Variants in NEK1 observed in about 807,000 individuals in gnomAD.
NEK1 encodes NIMA related kinase 1.
Under a neutral mutation model 182.1 loss-of-function variants are expected in NEK1, and 137 were observed. The observed-to-expected ratio is 0.75, with a 90% CI of 0.65 to 0.87. The LOEUF (loss-of-function observed/expected upper bound fraction) is 0.87. Among genes scored for constraint, NEK1 ranks in the 40% least tolerant of loss-of-function variants. The probability of loss-of-function intolerance (pLI) is 0.00; values close to 1 mark genes in which losing one functional copy is unlikely to be tolerated. For missense variants in NEK1, 1,391 were observed against 1,494.4 expected (o/e 0.93, Z 1.14); for synonymous variants, 513 against 492.2 (o/e 1.04, Z -0.56).
chr4:169,545,346 C>T (rs1760233689), intron 18 of NEK1, among the ~76,000 whole-genome samples: 1 of 151,614 alleles, frequency 6.6e-6, no homozygotes, highest in Non-Finnish European at 1.5e-5. Flanking sequence ...GAATGATTTC[C>T]AATTTCATCC....
intron 31 of NEK1, among the ~76,000 whole-genome samples, chr4:169,414,809 T>C (rs979867201): frequency 6.6e-6 from 1 of 152,238 alleles, no homozygotes; most frequent in East Asian, 1.9e-4. Flanking sequence ...TAAGGCTATA[T>C]GGTTTAAAAC....
At chr4:169,536,640 A>C (rs1467069211) in intron 19 of NEK1, among the ~76,000 whole-genome samples, 1 of 152,204 alleles carries the variant, frequency 6.6e-6, no homozygotes, top group Non-Finnish European at 1.5e-5. Flanking sequence ...CTCTAAAAAA[A>C]AATTACCAGA....
intron 28 of NEK1, among the ~76,000 whole-genome samples, chr4:169,435,258 T>C (rs1003590410): frequency 1.4e-4 from 21 of 152,286 alleles, no homozygotes; most frequent in Non-Finnish European, 2.6e-4. Context: ...GAAAGCTCTC[T>C]GGCCTATTCT....
chr4:169,445,845 T>C (rs1305001197), intron 27 of NEK1, among the ~76,000 whole-genome samples: 3 of 87,110 alleles, frequency 3.4e-5, no homozygotes, highest in East Asian at 4.5e-4. Flanking sequence ...AAAACAACTA[T>C]ATACATATAT....
At position 169,424,646 on chromosome 4, in the gene NEK1, A is replaced by G. The variant is rs764822486; in HGVS notation, c.3129T>C (p.Phe1043=). 1.9e-5 allele frequency: 30 copies of G among 1,613,644 alleles called. No individual in the cohort carries two copies. Among genetic ancestry groups the G allele is most frequent in the Admixed American group, 6.7e-5 (4 of 60,000 alleles). Residue 1043 remains phenylalanine, a synonymous_variant, in exon 31 of 36, where the codon TTT becomes TTC. Coordinates refer to ENST00000507142, the MANE Select transcript of NEK1 (RefSeq NM_001199397.3). ...TTGGTGGTAAATGCGAGTGAGATCG[A>G]AATGCAAAGGATTCTTCTGGTGAAC... ...VQCSPEESFA[F]RSHSHLPPKN... is the part of the protein sequence containing the mutation.
rs72692910 is a variant in NEK1 at position 169,529,474 on chromosome 4, A to C, written c.1665+8335T>G. Reference sequence around the variant, plus strand: ...TCTAAAGGTGGAAATGAAAACTATAAAAACTTTAGAAGAAAAAATAAAAAA... The same window carrying C: ...TCTAAAGGTGGAAATGAAAACTATACAAACTTTAGAAGAAAAAATAAAAAA... On this transcript the variant is annotated intron_variant, in intron 19 of 35. Coordinates refer to ENST00000507142, the MANE Select transcript of NEK1 (RefSeq NM_001199397.3). 3.6e-3 allele frequency among the ~76,000 whole-genome samples: 548 copies of C among 152,238 alleles called. 3 individuals are homozygous for C. The highest frequency in any genetic ancestry group is 0.022 in the South Asian group (104 of 4,818).
intron 18 of NEK1, among the ~76,000 whole-genome samples, chr4:169,545,376 G>T (rs1760239987): frequency 6.6e-6 from 1 of 151,822 alleles, no homozygotes; most frequent in Non-Finnish European, 1.5e-5. Flanking sequence ...CAAAGGATAT[G>T]AACTCATCAT....
chr4:169,410,180 A>C (rs1733418471), intron 31 of NEK1, among the ~76,000 whole-genome samples: 1 of 152,112 alleles, frequency 6.6e-6, no homozygotes, highest in Non-Finnish European at 1.5e-5. Context: ...ACTGGCTGAG[A>C]TCTTCATGTA....
intron 18 of NEK1, chr4:169,554,577 C>G (rs1430428802): frequency 6.6e-6 from 1 of 152,054 alleles, no homozygotes; most frequent in Non-Finnish European, 1.5e-5. Flanking sequence ...AGGCCACATA[C>G]TATATGATTC....
chr4:169,516,187 T>C (rs998134195), intron 19 of NEK1, among the ~76,000 whole-genome samples: 2 of 50,832 alleles, frequency 3.9e-5, no homozygotes, highest in Non-Finnish European at 6.4e-5. Flanking sequence ...TTTTTAATGA[T>C]TGCCATTCTA....
Position 169,590,739 on chromosome 4 carries a change from T to C in NEK1, c.383A>G (p.Asp128Gly). 1 of 1,590,926 alleles carries C rather than the reference T, an allele frequency of 6.3e-7. No homozygotes were observed. The highest frequency in any genetic ancestry group is 8.6e-7 in the Non-Finnish European group (1 of 1,166,658). Residue 128 changes from aspartate (D) to glycine (G), a missense_variant, in exon 6 of 36, where the codon GAC (aspartate) becomes GGC (glycine). This residue lies in a region of NEK1 where 116 missense variants were observed against 114.5 expected (regional missense o/e 1.01). Transcript: ENST00000507142. ...HVHDRKILHRDIKSQNIFLTK... is the reference protein window; with the variant it reads ...HVHDRKILHRGIKSQNIFLTK... ...AGAATAACATACCTGAGATTTAATGTCTCGATGAAGAATTTTTCTATCATG... is the reference window on the plus strand; with the variant it reads ...AGAATAACATACCTGAGATTTAATGCCTCGATGAAGAATTTTTCTATCATG...
At chr4:169,489,673 G>T (rs1749702362) in intron 23 of NEK1, among the ~76,000 whole-genome samples, 1 of 152,106 alleles carries the variant, frequency 6.6e-6, no homozygotes, top group African/African-American at 2.4e-5. Context: ...CTCTCCTGGT[G>T]TCCAAGTTGC....
chr4:169,457,262 C>A (rs554042035), intron 27 of NEK1, among the ~76,000 whole-genome samples: 1 of 152,050 alleles, frequency 6.6e-6, no homozygotes, highest in East Asian at 1.9e-4. Flanking sequence ...TTTATGTGAC[C>A]CATTTACCCT....
At chr4:169,431,525 C>A (rs569863208) in intron 29 of NEK1, among the ~76,000 whole-genome samples, 497 of 26,912 alleles carry the variant, frequency 0.018, 1 homozygote, top group Non-Finnish European at 0.027. Context: ...TGTAGACAGA[C>A]TAATAGGAAA....
chr4:169,397,001 T>C (rs1730838644), intron 35 of NEK1, among the ~76,000 whole-genome samples: 1 of 151,956 alleles, frequency 6.6e-6, no homozygotes. Context: ...GAAGCTGAGG[T>C]GGGAGGACAG....
At chr4:169,500,375 C>T (rs562558623) in intron 23 of NEK1, among the ~76,000 whole-genome samples, 3 of 152,362 alleles carry the variant, frequency 2.0e-5, no homozygotes, top group East Asian at 1.9e-4. Flanking sequence ...CGCCCTGCTT[C>T]GGTTCATGCT....
chr4:169,461,898 G>A (rs1465119377), intron 27 of NEK1, among the ~76,000 whole-genome samples: 1 of 151,956 alleles, frequency 6.6e-6, no homozygotes, highest in Non-Finnish European at 1.5e-5. Flanking sequence ...ACACAACTAA[G>A]AAGTGTTCAA....
At chr4:169,574,756 A>G (rs982499644) in intron 12 of NEK1, among the ~76,000 whole-genome samples, 1 of 152,198 alleles carries the variant, frequency 6.6e-6, no homozygotes, top group East Asian at 1.9e-4. Flanking sequence ...TGGCAATGAG[A>G]AGCAAGGGAA....
At chr4:169,473,246 G>C (rs1454591996) in intron 26 of NEK1, among the ~76,000 whole-genome samples, 1 of 129,300 alleles carries the variant, frequency 7.7e-6, no homozygotes, top group African/African-American at 2.7e-5. Flanking sequence ...AGCCTGTCTT[G>C]AAAAAAAAAA....
Sources: gnomAD v4.1 joint callset for allele counts (sites outside exome capture counted in the v4.1 genomes callset) on GRCh38, gnomAD v4.1.1 for gene constraint, gnomAD v4.1.1 regional missense constraint, MANE v1.5 for transcripts, NCBI Gene and HGNC (gene_info 2026-07-23, HGNC 2026-07-21) for gene names.